The following SFMBT2 variants were observed in gnomAD, a reference collection of about 807,000 sequenced individuals.
SFMBT2 encodes the protein scm-like with four MBT domains protein 2.
In SFMBT2, 38 loss-of-function variants were observed where a neutral mutation model predicts 110.1. The observed-to-expected ratio is 0.35, with a 90% CI of 0.27 to 0.45. The LOEUF (loss-of-function observed/expected upper bound fraction) is 0.45, where lower values mean the gene tolerates loss of function less well. Ranked by LOEUF, SFMBT2 falls within the 20% of genes least tolerant of loss-of-function variation. The probability of loss-of-function intolerance (pLI) is 1.00; values close to 1 mark genes in which losing one functional copy is unlikely to be tolerated. For synonymous variants in SFMBT2, 425 were observed against 425.4 expected, an observed-to-expected ratio of 1.00 and a Z score of 0.01; for missense variants, 1,011 against 1,094.9, an observed-to-expected ratio of 0.92 and a Z score of 1.08.
At chr10:7,316,460 A>G (rs997719916) in intron 4 of SFMBT2, among the ~76,000 whole-genome samples, 2 of 152,172 alleles carry the variant, frequency 1.3e-5, no homozygotes, top group African/African-American at 4.8e-5. Flanking sequence ...CCAGGCTGGA[A>G]AGCAGCACAA....
At chr10:7,342,913 G>A (rs1221829192) in intron 4 of SFMBT2, among the ~76,000 whole-genome samples, 3 of 151,452 alleles carry the variant, frequency 2.0e-5, no homozygotes, top group East Asian at 1.9e-4. Flanking sequence ...AGATTTTTTT[G>A]TGGGGAGAAG....
chr10:7,279,721 C>G (rs1356008336), intron 6 of SFMBT2, among the ~76,000 whole-genome samples: 1 of 152,156 alleles, frequency 6.6e-6, no homozygotes, highest in African/African-American at 2.4e-5. Context: ...AAAAACGAGG[C>G]AATCTCCTTT....
chr10:7,282,004 C>T (rs905503417), intron 6 of SFMBT2, among the ~76,000 whole-genome samples: 11 of 152,080 alleles, frequency 7.2e-5, no homozygotes, highest in African/African-American at 2.7e-4. Flanking sequence ...GCCACCATGC[C>T]TAGCCAGTTT....
At position 7,213,779 on chromosome 10, in the gene SFMBT2, G is replaced by A. The variant is rs12764212; in HGVS notation, c.1330+6632C>T. The stretch of plus-strand genomic sequence containing the variant: ...GCCATGGGCGCGGGCACTCAGATCC[G>A]TGTGCGAGGCCATGGTGCGGGCACT... On this transcript the variant is annotated intron_variant, in intron 11 of 20. Coordinates refer to ENST00000397167, the MANE Select transcript of SFMBT2 (RefSeq NM_001387889.1). Among the ~76,000 whole-genome samples, 9 of 150,254 alleles carry A rather than the reference G, an allele frequency of 6.0e-5. No individual in the cohort carries two copies. The South Asian group carries it at 6.3e-4, about 11-fold the overall frequency.
At chr10:7,185,415 C>T (rs555334346) in intron 16 of SFMBT2, among the ~76,000 whole-genome samples, 4 of 152,188 alleles carry the variant, frequency 2.6e-5, no homozygotes, top group East Asian at 3.9e-4. Flanking sequence ...ATGTTACCTG[C>T]GACAGTTCAT....
At chr10:7,322,833 C>G (rs1052751138) in intron 4 of SFMBT2, among the ~76,000 whole-genome samples, 5 of 152,180 alleles carry the variant, frequency 3.3e-5, no homozygotes, top group African/African-American at 1.2e-4. Context: ...GAAGCTTTGA[C>G]CAGGGCATGG....
chr10:7,261,145 A>C (rs938876081), intron 7 of SFMBT2, among the ~76,000 whole-genome samples: 6 of 152,204 alleles, frequency 3.9e-5, no homozygotes, highest in African/African-American at 1.4e-4. Context: ...GTATATGCAC[A>C]GTACCCAGCA....
At chr10:7,265,882 A>G (rs1841371162) in intron 7 of SFMBT2, among the ~76,000 whole-genome samples, 1 of 152,216 alleles carries the variant, frequency 6.6e-6, no homozygotes, top group Admixed American at 6.5e-5. Context: ...TAAAGCAGTC[A>G]TGGAAATACA....
intron 4 of SFMBT2, among the ~76,000 whole-genome samples, chr10:7,311,394 G>A (rs757516767): frequency 2.0e-5 from 3 of 152,158 alleles, no homozygotes; most frequent in Admixed American, 6.5e-5. Context: ...CATTGACGGC[G>A]ACTCGGTATT....
intron 9 of SFMBT2, among the ~76,000 whole-genome samples, chr10:7,228,692 TTTCTTTC>T (rs1389864590): frequency 2.4e-5 from 3 of 127,460 alleles, no homozygotes; most frequent in Middle Eastern, 7.2e-3. Context: ...TCTTTCTTTC[TTTCTTTC>T]TTTCTTTCTT....
intron 11 of SFMBT2, chr10:7,215,715 T>A: frequency 1.0e-6 from 1 of 985,432 alleles, no homozygotes; most frequent in Non-Finnish European, 1.2e-6. Context: ...CCGATGAATT[T>A]AAGCCCACTG....
In SFMBT2 at chr10:7,408,938, T is replaced by C. The variant is rs1350906745; in HGVS notation, c.-52+1923A>G. ...CTCTCCGATGCGCCGAGAGGGTTCC[T>C]AAGCCGAGCAAGGGACAATTTCTTC... On this transcript the variant is annotated intron_variant, in intron 1 of 20. Transcript: ENST00000397167. The surrounding 1 kb of genome is among the most constrained non-coding windows in gnomAD (Gnocchi z 5.7). Among the ~76,000 whole-genome samples the C allele has an allele frequency of 6.6e-6, 1 of 152,118 alleles. No homozygotes were observed. Among genetic ancestry groups the C allele is most frequent in the African/African-American group, 2.4e-5 (1 of 41,424 alleles).
chr10:7,171,107 G>A lies in SFMBT2; in HGVS notation c.2416-51C>T, dbSNP rs1382295655. The A allele has an allele frequency of 1.9e-6, 3 of 1,612,236 alleles. No individual in the cohort carries two copies. The highest frequency in any genetic ancestry group is 2.5e-6 in the Non-Finnish European group (3 of 1,179,544). On this transcript the variant is annotated intron_variant, in intron 19 of 20. Coordinates refer to ENST00000397167, the MANE Select transcript of SFMBT2 (RefSeq NM_001387889.1). The surrounding 1 kb of genome is among the most constrained non-coding windows in gnomAD (Gnocchi z 4.9). ...CAGCTGCGGCACAGTCAGCTGGCTG[G>A]GTCCTCTCCAGCACTCTCCAGGCCT...
At chr10:7,261,301 G>C (rs569549295) in intron 7 of SFMBT2, among the ~76,000 whole-genome samples, 1 of 152,146 alleles carries the variant, frequency 6.6e-6, no homozygotes, top group African/African-American at 2.4e-5. Context: ...ATGCTATCCC[G>C]AAAGGTCTGA....
At position 7,301,940 on chromosome 10, in the gene SFMBT2, C is replaced by A. The variant is rs1421968218; in HGVS notation, c.437-15986G>T. ...ATAGTTATGCAGACTAGAACCTCCACTGACCCCAAGGGACAGGGGAGGTGT... is the reference window on the plus strand; with the variant it reads ...ATAGTTATGCAGACTAGAACCTCCAATGACCCCAAGGGACAGGGGAGGTGT... On this transcript the variant is annotated intron_variant, in intron 4 of 20. Coordinates refer to ENST00000397167, the MANE Select transcript of SFMBT2 (RefSeq NM_001387889.1). This position sits in a 1 kb window ranked among gnomAD's most constrained non-coding sequence, Gnocchi z 4.2. Among the ~76,000 whole-genome samples the A allele has an allele frequency of 6.6e-6, 1 of 152,124 alleles. No individual in the cohort carries two copies. Among genetic ancestry groups the A allele is most frequent in the East Asian group, 1.9e-4 (1 of 5,178 alleles).
chr10:7,272,021 T>C (rs1486037589), intron 7 of SFMBT2, among the ~76,000 whole-genome samples: 2 of 152,026 alleles, frequency 1.3e-5, no homozygotes, highest in Non-Finnish European at 2.9e-5. Context: ...CAAAGGGCGT[T>C]ACAGAAACAT....
At chr10:7,265,968 A>T (rs975769657) in intron 7 of SFMBT2, among the ~76,000 whole-genome samples, 7 of 152,226 alleles carry the variant, frequency 4.6e-5, no homozygotes, top group Admixed American at 1.3e-4. Flanking sequence ...AATTAAATTT[A>T]AAAAATAAAA....
chr10:7,384,522 T>C (rs934939403), intron 1 of SFMBT2, among the ~76,000 whole-genome samples: 2 of 152,110 alleles, frequency 1.3e-5, no homozygotes, highest in Non-Finnish European at 1.5e-5. Context: ...ATAACGGTTT[T>C]TTAATAAAAA....
At chr10:7,176,361 G>A (rs1033087895) in intron 16 of SFMBT2, 196 bp from the exon 17 acceptor site, 10 of 623,952 alleles carry the variant, frequency 1.6e-5, no homozygotes, top group Middle Eastern at 7.9e-4. Context: ...CAAATGTGTC[G>A]TAACAGTGCT....
Sources: allele counts gnomAD v4.1 joint callset (sites outside exome capture counted in the v4.1 genomes callset), GRCh38; gene constraint gnomAD v4.1.1; non-coding constraint Gnocchi (gnomAD v3.1); transcripts MANE v1.5; gene names NCBI Gene and HGNC (gene_info 2026-07-23, HGNC 2026-07-21).